CRYBG1: variants seen among roughly 807,000 people sequenced by gnomAD.
The protein encoded by CRYBG1 is beta/gamma crystallin domain-containing protein 1.
A neutral mutation model predicts 189.2 loss-of-function variants in CRYBG1; 139 were observed. The observed-to-expected ratio is 0.73, with a 90% confidence interval of 0.64 to 0.85. The LOEUF (loss-of-function observed/expected upper bound fraction) is 0.85, where lower values mean the gene tolerates loss of function less well. Among genes scored for constraint, CRYBG1 ranks in the 40% least tolerant of loss-of-function variants. CRYBG1 has a pLI of 0.00. For missense variants in CRYBG1, 2,611 were observed against 2,675.8 expected, an observed-to-expected ratio of 0.98 and a Z score of 0.53; for synonymous variants, 1,023 against 1,017.1, an observed-to-expected ratio of 1.01 and a Z score of -0.11.
chr6:106,464,170 G>A (rs1032116764), intron 2 of CRYBG1, among the ~76,000 whole-genome samples: 3 of 152,040 alleles, frequency 2.0e-5, no homozygotes, highest in Admixed American at 6.6e-5. Flanking sequence ...CTAATCGAAC[G>A]CTCTTCTTGA....
Position 106,512,408 on chromosome 6 carries a change from C to G in CRYBG1, c.1291C>G (p.Pro431Ala), listed in dbSNP as rs934164410. The G allele has an allele frequency of 6.2e-7, 1 of 1,608,728 alleles. No homozygotes were observed. The highest frequency in any genetic ancestry group is 8.5e-7 in the Non-Finnish European group (1 of 1,178,412). ...RRGSQKSTDS[P>A]GADAELPESA... ...GGGGTCGCAGAAATCCACCGACTCCCCCGGCGCGGACGCCGAGCTCCCTGA... is the reference window on the plus strand; with the variant it reads ...GGGGTCGCAGAAATCCACCGACTCCGCCGGCGCGGACGCCGAGCTCCCTGA... Residue 431 changes from proline (P) to alanine (A), a missense_variant, in exon 3 of 22, where the codon CCC (proline) becomes GCC (alanine). By Grantham distance (27) the Pro-to-Ala change is conservative. This residue lies in a region of CRYBG1 where 985 missense variants were observed against 924.4 expected (regional missense o/e 1.07). Transcript: ENST00000633556.
chr6:106,514,712 A>AC (rs754394556), intron 3 of CRYBG1, among the ~76,000 whole-genome samples: 12 of 152,264 alleles, frequency 7.9e-5, no homozygotes, highest in Admixed American at 1.3e-4. Flanking sequence ...GAAATGTTAC[A>AC]CTGTGAAATA....
chr6:106,562,240 T>G (rs1203887176), intron 20 of CRYBG1, among the ~76,000 whole-genome samples: 1 of 152,244 alleles, frequency 6.6e-6, no homozygotes, highest in Non-Finnish European at 1.5e-5. Flanking sequence ...GGGGGAATTC[T>G]TTCAGTAAAC....
At chr6:106,529,600 CTGTT>C (rs959162923) in intron 7 of CRYBG1, among the ~76,000 whole-genome samples, 1 of 152,194 alleles carries the variant, frequency 6.6e-6, no homozygotes, top group African/African-American at 2.4e-5. Context: ...CTTTTGAAGA[CTGTT>C]TGGACCACAG....
intron 1 of CRYBG1, among the ~76,000 whole-genome samples, chr6:106,370,288 G>A (rs926869851): frequency 1.3e-5 from 2 of 152,180 alleles, no homozygotes; most frequent in Admixed American, 1.3e-4. Flanking sequence ...CCAAGAGGTG[G>A]ACCTACTTCG....
chr6:106,511,561 ACT>A lies in CRYBG1; in HGVS notation c.450_451del (p.Pro151GlnfsTer8). On this transcript the variant is annotated frameshift_variant, in exon 3 of 22. Coordinates refer to ENST00000633556, the MANE Select transcript of CRYBG1 (RefSeq NM_001371242.2). LOFTEE classifies it high-confidence loss of function. Reference protein sequence around the residue: ...ESPTRSNAKPLSPKDVVASPK... With the variant: ...ESPTRSNAKPXSPKDVVASPK... ...GTCCCACCAGATCAAATGCCAAACC[ACT>A]CTCTCCCAAAGATGTGGTAGCCTCT... The A allele has an allele frequency of 6.5e-7, 1 of 1,535,634 alleles. No homozygotes were observed. Among genetic ancestry groups the A allele is most frequent in the African/African-American group, 1.4e-5 (1 of 73,072 alleles).
chr6:106,452,819 G>A (rs1217527554), intron 2 of CRYBG1, among the ~76,000 whole-genome samples: 1 of 152,200 alleles, frequency 6.6e-6, no homozygotes, highest in East Asian at 1.9e-4. Flanking sequence ...GCACTTACTT[G>A]TCTGCAGGAT....
chr6:106,477,086 G>A (rs907878746), intron 2 of CRYBG1, among the ~76,000 whole-genome samples: 1 of 152,214 alleles, frequency 6.6e-6, no homozygotes, highest in Non-Finnish European at 1.5e-5. Context: ...ATACAGAGCT[G>A]TAGGCATAAT....
At chr6:106,399,658 C>T (rs372601277) in intron 1 of CRYBG1, among the ~76,000 whole-genome samples, 2 of 140,310 alleles carry the variant, frequency 1.4e-5, no homozygotes, top group African/African-American at 2.6e-5. Flanking sequence ...GTTTTTCTTT[C>T]TTTTTTTTTT....
intron 1 of CRYBG1, among the ~76,000 whole-genome samples, chr6:106,451,100 G>C (rs1315837224): frequency 5.9e-5 from 9 of 152,202 alleles, no homozygotes; most frequent in Non-Finnish European, 1.3e-4. Context: ...GTGTATGGGG[G>C]AGGTGGGAGA....
intron 1 of CRYBG1, 158 bp from the exon 2 acceptor site, chr6:106,451,536 G>A (rs1417353): frequency 0.79 from 518,896 of 660,304 alleles, 204,684 homozygotes; most frequent in Admixed American, 0.82. Context: ...CTATGAGAGC[G>A]CCAAATTATC....
intron 1 of CRYBG1, among the ~76,000 whole-genome samples, chr6:106,371,918 A>G (rs1213156668): frequency 6.6e-6 from 1 of 152,216 alleles, no homozygotes; most frequent in African/African-American, 2.4e-5. Flanking sequence ...CACTTTTATT[A>G]AAAGCTTTTT....
intron 13 of CRYBG1, among the ~76,000 whole-genome samples, chr6:106,550,995 A>T (rs1418217938): frequency 2.0e-5 from 3 of 152,006 alleles, no homozygotes; most frequent in Non-Finnish European, 4.4e-5. Flanking sequence ...TTTTTTTTCA[A>T]CTCTTATTTT....
intron 8 of CRYBG1, among the ~76,000 whole-genome samples, chr6:106,534,067 C>T (rs995693081): frequency 4.6e-5 from 7 of 152,210 alleles, no homozygotes; most frequent in African/African-American, 1.7e-4. Context: ...GAAGTCTATA[C>T]ACTTTTTTTT....
intron 2 of CRYBG1, among the ~76,000 whole-genome samples, chr6:106,483,212 T>C (rs1772507777): frequency 6.6e-6 from 1 of 151,930 alleles, no homozygotes; most frequent in Admixed American, 6.6e-5. Flanking sequence ...CTTTGTTTGT[T>C]TGTTTTAGAT....
chr6:106,380,379 A>G (rs9480662), intron 1 of CRYBG1, among the ~76,000 whole-genome samples: 28,887 of 152,080 alleles, frequency 0.19, 3,223 homozygotes, highest in African/African-American at 0.3. Context: ...TGGGACAGGA[A>G]CCCAGAGTAA....
chr6:106,364,885 A>T (rs539127365), intron 1 of CRYBG1, among the ~76,000 whole-genome samples: 1 of 152,258 alleles, frequency 6.6e-6, no homozygotes, highest in Non-Finnish European at 1.5e-5. Context: ...AATGGGAATC[A>T]TAAGAGTTGT....
chr6:106,427,037 A>G (rs1007754593), intron 1 of CRYBG1, among the ~76,000 whole-genome samples: 4 of 151,592 alleles, frequency 2.6e-5, no homozygotes, highest in Non-Finnish European at 1.5e-5. Context: ...GTCTCCATGA[A>G]CTCTCTTTTT....
chr6:106,364,965 C>T (rs1456078459), intron 1 of CRYBG1, among the ~76,000 whole-genome samples: 1 of 152,164 alleles, frequency 6.6e-6, no homozygotes. Flanking sequence ...TGTGCTCAAC[C>T]AATGGGAGTT....
Sources: allele counts gnomAD v4.1 joint callset (sites outside exome capture counted in the v4.1 genomes callset), GRCh38; gene constraint gnomAD v4.1.1; regional missense constraint gnomAD v4.1.1; transcripts MANE v1.5; gene names NCBI Gene and HGNC (gene_info 2026-07-23, HGNC 2026-07-21).